PAK1: variants seen among roughly 807,000 people sequenced by gnomAD.
PAK1 encodes the protein serine/threonine-protein kinase PAK 1.
A neutral mutation model predicts 67.4 loss-of-function variants in PAK1; 29 were observed. The ratio of observed to expected loss-of-function variants is 0.43; its 90% confidence interval spans 0.32 to 0.59. The LOEUF (loss-of-function observed/expected upper bound fraction) is 0.59, where lower values mean the gene tolerates loss of function less well. Among genes scored for constraint, PAK1 ranks in the 20% least tolerant of loss-of-function variants. The pLI, the probability that PAK1 is intolerant of heterozygous loss-of-function variation, is 0.07. For missense variants in PAK1, 337 were observed against 670.7 expected (o/e 0.50, Z 5.50); for synonymous variants, 223 against 237.4 (o/e 0.94, Z 0.56).
intron 9 of PAK1, among the ~76,000 whole-genome samples, chr11:77,347,804 G>T (rs1265854994): frequency 6.6e-6 from 1 of 152,154 alleles, no homozygotes; most frequent in Non-Finnish European, 1.5e-5. Flanking sequence ...AGTTCATAAA[G>T]TTTATAATGC....
chr11:77,349,124 C>CCA, intron 9 of PAK1, 115 bp downstream of exon 9: 1 of 510,688 alleles, frequency 2.0e-6, no homozygotes, highest in Non-Finnish European at 3.3e-6. Context: ...GACCCCATCC[C>CCA]AAAAAAAAAA....
intron 13 of PAK1, among the ~76,000 whole-genome samples, chr11:77,333,946 G>A (rs1253889030): frequency 1.3e-5 from 2 of 151,936 alleles, no homozygotes; most frequent in Non-Finnish European, 2.9e-5. Flanking sequence ...GATCACCTGA[G>A]GTCAGGAGTT....
At chr11:77,385,557 C>A (rs1005363659) in intron 2 of PAK1, among the ~76,000 whole-genome samples, 1 of 152,106 alleles carries the variant, frequency 6.6e-6, no homozygotes, top group African/African-American at 2.4e-5. Context: ...ATTCCTACAA[C>A]GATGTTAAGA....
At chr11:77,419,137 G>C (rs1955125181) in intron 1 of PAK1, among the ~76,000 whole-genome samples, 1 of 152,172 alleles carries the variant, frequency 6.6e-6, no homozygotes, top group South Asian at 2.1e-4. Flanking sequence ...TCCCGCTGAT[G>C]AAACACAATA....
chr11:77,423,679 G>A (rs1955403938), intron 1 of PAK1, among the ~76,000 whole-genome samples: 1 of 152,156 alleles, frequency 6.6e-6, no homozygotes, highest in Non-Finnish European at 1.5e-5. Flanking sequence ...AGTAGGGGTT[G>A]GAAAATTCTG....
At chr11:77,422,509 C>T (rs568444503) in intron 1 of PAK1, among the ~76,000 whole-genome samples, 3 of 151,180 alleles carry the variant, frequency 2.0e-5, no homozygotes, top group South Asian at 4.2e-4. Context: ...AAGCCGAGAT[C>T]GCGCCATTGG....
intron 11 of PAK1, 60 bp from the exon 12 acceptor site, chr11:77,337,483 T>A: frequency 1.2e-6 from 1 of 823,294 alleles, no homozygotes; most frequent in Non-Finnish European, 2.0e-6. Context: ...ACAGAAGACT[T>A]AATAGAAAAT....
intron 1 of PAK1, among the ~76,000 whole-genome samples, chr11:77,401,338 G>A (rs955752099): frequency 3.9e-5 from 6 of 152,006 alleles, no homozygotes; most frequent in Non-Finnish European, 1.5e-5. Context: ...ACTTGCTCTG[G>A]TTTAGCAACA....
the PAK1 span, among the ~76,000 whole-genome samples, chr11:77,523,822 G>A: frequency 6.6e-6 from 1 of 152,268 alleles, no homozygotes; most frequent in East Asian, 1.9e-4. Flanking sequence ...AGTGGCAATG[G>A]AAGTGTTAAA....
chr11:77,362,826 C>T (rs1452850044), intron 5 of PAK1, among the ~76,000 whole-genome samples: 1 of 152,092 alleles, frequency 6.6e-6, no homozygotes, highest in East Asian at 1.9e-4. Flanking sequence ...TGATGGGGCA[C>T]TCAGTAATTG....
chr11:77,351,890 T>A (rs1199385160), intron 8 of PAK1, among the ~76,000 whole-genome samples: 2 of 151,944 alleles, frequency 1.3e-5, no homozygotes, highest in African/African-American at 4.8e-5. Flanking sequence ...ATTTTTTTTT[T>A]ATAGAGAGGT....
intron 1 of PAK1, among the ~76,000 whole-genome samples, chr11:77,428,630 G>A (rs1955686666): frequency 2.6e-5 from 4 of 151,494 alleles, no homozygotes; most frequent in Admixed American, 2.0e-4. Flanking sequence ...ACTGTGGTCA[G>A]ACCTAAGCAG....
intron 1 of PAK1, among the ~76,000 whole-genome samples, chr11:77,464,511 T>C (rs529651587): frequency 1.2e-4 from 19 of 152,292 alleles, no homozygotes; most frequent in Non-Finnish European, 1.9e-4. Context: ...TATTTATGAG[T>C]GTATCCTTAG....
At chr11:77,501,959 T>G in the PAK1 span, among the ~76,000 whole-genome samples, 1 of 113,518 alleles carries the variant, frequency 8.8e-6, no homozygotes. Context: ...CTTTGCTTCA[T>G]GCAAAGCAGC....
At chr11:77,481,783 A>G in the PAK1 span, among the ~76,000 whole-genome samples, 2 of 151,908 alleles carry the variant, frequency 1.3e-5, no homozygotes, top group Non-Finnish European at 2.9e-5. Flanking sequence ...AATCTGTTTC[A>G]CTATATTGTG....
the PAK1 span, among the ~76,000 whole-genome samples, chr11:77,525,474 G>A: frequency 9.9e-5 from 15 of 152,112 alleles, no homozygotes; most frequent in Admixed American, 7.2e-4. Context: ...ATTATGGACC[G>A]AAAGAACTAC....
At chr11:77,444,411 G>T (rs115958534) in intron 1 of PAK1, among the ~76,000 whole-genome samples, 1 of 151,956 alleles carries the variant, frequency 6.6e-6, no homozygotes, top group Admixed American at 6.6e-5. Context: ...AAGTTTCCCG[G>T]GTGTGGTCAT....
intron 2 of PAK1, among the ~76,000 whole-genome samples, chr11:77,381,969 G>A (rs1156788373): frequency 2.0e-5 from 3 of 152,188 alleles, no homozygotes; most frequent in Non-Finnish European, 2.9e-5. Flanking sequence ...AAGTCCATCT[G>A]TCTTTCTCAT....
At chr11:77,395,386 C>T (rs1018332862) in intron 1 of PAK1, among the ~76,000 whole-genome samples, 1 of 152,178 alleles carries the variant, frequency 6.6e-6, no homozygotes, top group African/African-American at 2.4e-5. Context: ...TCATAGTGAA[C>T]TCAAATATTT....
Sources: gnomAD v4.1 joint callset for allele counts (sites outside exome capture counted in the v4.1 genomes callset) on GRCh38, gnomAD v4.1.1 for gene constraint, MANE v1.5 for transcripts, NCBI Gene and HGNC (gene_info 2026-07-23, HGNC 2026-07-21) for gene names.